SCUBE1: variants seen among roughly 807,000 people sequenced by gnomAD.
SCUBE1 encodes signal peptide, CUB domain and EGF like domain containing 1, also known as signal peptide, CUB and EGF-like domain-containing protein 1.
A neutral mutation model predicts 124.4 loss-of-function variants in SCUBE1; 59 were observed. That is an observed-to-expected ratio of 0.47 (90% confidence interval 0.38 to 0.59). The LOEUF (loss-of-function observed/expected upper bound fraction) is 0.59. Among genes scored for constraint, SCUBE1 ranks in the 20% least tolerant of loss-of-function variants. The pLI is 0.00. For synonymous variants in SCUBE1, 545 were observed against 550.9 expected (o/e 0.99, Z 0.15); for missense variants, 1,150 against 1,371.2 (o/e 0.84, Z 2.55).
chr22:43,257,931 G>A (rs1371729791), intron 6 of SCUBE1, among the ~76,000 whole-genome samples: 1 of 152,174 alleles, frequency 6.6e-6, no homozygotes, highest in Non-Finnish European at 1.5e-5. Context: ...CCAGGACGAG[G>A]ACGTGCAGAA....
chr22:43,289,720 G>C (rs1328767471), intron 4 of SCUBE1, among the ~76,000 whole-genome samples: 1 of 152,292 alleles, frequency 6.6e-6, no homozygotes, highest in Admixed American at 6.5e-5. Context: ...ACGCCCTGCC[G>C]GGTAACACCA....
chr22:43,278,422 G>A (rs1166000902), intron 4 of SCUBE1, among the ~76,000 whole-genome samples: 3 of 152,216 alleles, frequency 2.0e-5, no homozygotes, highest in African/African-American at 7.2e-5. Context: ...GTTCCTAGCC[G>A]TGCTGCCCCA....
At chr22:43,315,641 G>A (rs1236324530) in intron 3 of SCUBE1, among the ~76,000 whole-genome samples, 2 of 151,828 alleles carry the variant, frequency 1.3e-5, no homozygotes, top group African/African-American at 2.4e-5. Flanking sequence ...TGTTGGGAAG[G>A]GTCTGCCCTC....
intron 3 of SCUBE1, among the ~76,000 whole-genome samples, chr22:43,298,123 C>T (rs1220872391): frequency 5.9e-5 from 9 of 152,366 alleles, no homozygotes; most frequent in Admixed American, 4.6e-4. Flanking sequence ...TGCAAAATTG[C>T]ATTTGATGAG....
rs757768901 is a variant in SCUBE1, at chr22:43,227,453, G to C, written c.1128C>G (p.Gly376=). 7 of 1,613,162 alleles carry C rather than the reference G, an allele frequency of 4.3e-6. No individual in the cohort carries two copies. In the Middle Eastern group the frequency reaches 5.0e-4, roughly 114 times the overall value. The change falls in exon 10 of 22, where the codon GGC becomes GGG. Residue 376 remains glycine, a synonymous_variant. Transcript: ENST00000360835. ...CGTAGCTGCCCTTGGTGTTGACGCA[G>C]CCCTGGTCACAGCTCCCGTTGCTCA... ...CSMSNGSCDQ[G]CVNTKGSYEC...
intron 6 of SCUBE1, among the ~76,000 whole-genome samples, chr22:43,241,304 G>C (rs1922995775): frequency 6.6e-6 from 1 of 152,072 alleles, no homozygotes; most frequent in African/African-American, 2.4e-5. Context: ...GGGGTCACGT[G>C]GTCACCACGG....
chr22:43,335,058 G>A (rs1322633156), intron 2 of SCUBE1, among the ~76,000 whole-genome samples: 1 of 152,208 alleles, frequency 6.6e-6, no homozygotes, highest in East Asian at 1.9e-4. Context: ...ACAGTGTGGA[G>A]AAACAGGTCT....
chr22:43,209,057 G>A (rs946945744), intron 19 of SCUBE1, among the ~76,000 whole-genome samples: 1 of 152,234 alleles, frequency 6.6e-6, no homozygotes, highest in Non-Finnish European at 1.5e-5. Context: ...GTCCCAGGCC[G>A]GTCCCTTGCC....
At chr22:43,229,941 C>T (rs988571792) in intron 8 of SCUBE1, among the ~76,000 whole-genome samples, 2 of 152,212 alleles carry the variant, frequency 1.3e-5, no homozygotes, top group African/African-American at 4.8e-5. Flanking sequence ...CCAACCTGCC[C>T]CTCCTTGGGC....
intron 14 of SCUBE1, among the ~76,000 whole-genome samples, chr22:43,219,610 A>G (rs1921997190): frequency 6.6e-6 from 1 of 151,518 alleles, no homozygotes; most frequent in Non-Finnish European, 1.5e-5. Flanking sequence ...AGTAGCTGGG[A>G]TTACAGGTGC....
Position 43,214,254 on chromosome 22 carries a change from G to A in SCUBE1, c.1892-3C>T. 6.2e-7 allele frequency: 1 copy of A among 1,610,892 alleles called. No individual in the cohort carries two copies. The highest frequency in any genetic ancestry group is 8.5e-7 in the Non-Finnish European group (1 of 1,178,640). ...GTGGGTGCCAGGCCCACAGGCAACT[G>A]CAGAGGCAAAGCGGAGAGGCTGCTG... is the stretch of plus-strand genomic sequence containing the variant. On this transcript the variant is annotated splice_region_variant and splice_polypyrimidine_tract_variant and intron_variant, in intron 15 of 21. Transcript: ENST00000360835.
At chr22:43,251,891 A>G (rs960690697) in intron 6 of SCUBE1, among the ~76,000 whole-genome samples, 6 of 152,204 alleles carry the variant, frequency 3.9e-5, no homozygotes, top group Non-Finnish European at 7.3e-5. Context: ...CCTGGAGCTG[A>G]CCAGCGTGGC....
At chr22:43,334,142 A>G (rs761539771) in intron 2 of SCUBE1, among the ~76,000 whole-genome samples, 3 of 152,236 alleles carry the variant, frequency 2.0e-5, no homozygotes, top group Non-Finnish European at 4.4e-5. Flanking sequence ...CAGGGAGGGA[A>G]AGCAAGTTTC....
Position 43,280,396 on chromosome 22 carries a change from C to CTGTCCCTTCCCCTCACCCATCCTGCT in SCUBE1, c.484+10649_484+10650insAGCAGGATGGGTGAGGGGAAGGGACA, listed in dbSNP as rs112337349. 1.2e-3 allele frequency among the ~76,000 whole-genome samples: 124 copies of CTGTCCCTTCCCCTCACCCATCCTGCT among 106,424 alleles called. 11 individuals are homozygous for CTGTCCCTTCCCCTCACCCATCCTGCT. Among genetic ancestry groups the CTGTCCCTTCCCCTCACCCATCCTGCT allele is most frequent in the African/African-American group, 5.2e-3 (122 of 23,488 alleles). 69.8% of individuals were successfully genotyped at this position (106,424 alleles called of 152,430 possible). ...TCTCACCGTCCCCTCACCCATCCCC[C>CTGTCCCTTCCCCTCACCCATCCTGCT]GTCCCTTCCCCTCACCCATCCTCCT... is the stretch of plus-strand genomic sequence containing the variant. On this transcript the variant is annotated intron_variant, in intron 4 of 21. Coordinates refer to ENST00000360835, the MANE Select transcript of SCUBE1 (RefSeq NM_173050.5).
intron 2 of SCUBE1, among the ~76,000 whole-genome samples, chr22:43,331,421 C>G (rs749130480): frequency 2.0e-5 from 3 of 151,950 alleles, no homozygotes; most frequent in Non-Finnish European, 4.4e-5. Flanking sequence ...GGAAAAGGCC[C>G]GAGTTGGAAC....
intron 2 of SCUBE1, among the ~76,000 whole-genome samples, chr22:43,323,624 C>T: frequency 6.6e-6 from 1 of 151,366 alleles, no homozygotes; most frequent in East Asian, 1.9e-4. Context: ...ATCCATCCAT[C>T]CATCCATCCA....
chr22:43,259,385 T>C (rs1384756270), intron 5 of SCUBE1, among the ~76,000 whole-genome samples: 2 of 152,212 alleles, frequency 1.3e-5, no homozygotes, highest in Non-Finnish European at 2.9e-5. Flanking sequence ...AATGATCAAA[T>C]ATGCAAAAAT....
chr22:43,332,535 G>A (rs1338245833), intron 2 of SCUBE1, among the ~76,000 whole-genome samples: 1 of 152,146 alleles, frequency 6.6e-6, no homozygotes, highest in Non-Finnish European at 1.5e-5. Flanking sequence ...TGGGGGCCTG[G>A]CCTGATGCTG....
chr22:43,329,206 C>G (rs919877681), intron 2 of SCUBE1, among the ~76,000 whole-genome samples: 4 of 152,360 alleles, frequency 2.6e-5, no homozygotes, highest in Admixed American at 1.3e-4. Flanking sequence ...CAGATGCCCA[C>G]AAACTCTCGT....
Sources: allele counts gnomAD v4.1 joint callset (sites outside exome capture counted in the v4.1 genomes callset), GRCh38; gene constraint gnomAD v4.1.1; transcripts MANE v1.5; gene names NCBI Gene and HGNC (gene_info 2026-07-23, HGNC 2026-07-21).